The following DNAAF19 variants were observed in gnomAD, a reference collection of about 807,000 sequenced individuals.
The protein encoded by DNAAF19 is coiled-coil domain containing 103.
At chr17:44,901,984 G>T in the DNAAF19 span, among the ~76,000 whole-genome samples, 1 of 152,072 alleles carries the variant, frequency 6.6e-6, no homozygotes, top group Non-Finnish European at 1.5e-5. Flanking sequence ...TGATCCTGTG[G>T]CAGTGTTGAG....
At chr17:44,902,798 A>G in the DNAAF19 span, 27 of 1,562,554 alleles carry the variant, frequency 1.7e-5, no homozygotes, top group African/African-American at 2.7e-5. Context: ...GAGCTGCTGG[A>G]GCTGTACCAG....
the DNAAF19 span, chr17:44,902,549 A>G: frequency 3.7e-6 from 6 of 1,614,228 alleles, no homozygotes; most frequent in Non-Finnish European, 5.1e-6. Flanking sequence ...CTGGCTGATC[A>G]CGTGGGGCCG....
the DNAAF19 span, chr17:44,903,374 C>T: frequency 8.0e-7 from 1 of 1,248,722 alleles, no homozygotes; most frequent in Non-Finnish European, 1.0e-6. Context: ...TCCAGCCAGC[C>T]TCCCGGATGG....
the DNAAF19 span, chr17:44,902,873 T>C: frequency 6.8e-7 from 1 of 1,462,750 alleles, no homozygotes; most frequent in Non-Finnish European, 9.0e-7. Context: ...TTTTTGGTTG[T>C]TGTCTTGGGG....
chr17:44,900,238 A>G, the DNAAF19 span, among the ~76,000 whole-genome samples: 11 of 151,890 alleles, frequency 7.2e-5, no homozygotes, highest in Non-Finnish European at 1.2e-4. Context: ...AGAGGTTGCA[A>G]TGAGCCAAGA....
chr17:44,903,656 G>A, the DNAAF19 span: 16 of 1,433,552 alleles, frequency 1.1e-5, no homozygotes, highest in Non-Finnish European at 1.5e-5. Flanking sequence ...TACATCCACT[G>A]GGAATAAATT....
chr17:44,904,220 G>A, the DNAAF19 span: 5 of 1,550,468 alleles, frequency 3.2e-6, no homozygotes, highest in African/African-American at 6.8e-5. Flanking sequence ...CCGCAAGGGG[G>A]ACTACTTTTA....
At chr17:44,901,635 G>GCCTT in the DNAAF19 span, 1 of 1,614,154 alleles carries the variant, frequency 6.2e-7, no homozygotes, top group Non-Finnish European at 8.5e-7. Context: ...CCAGGATGTG[G>GCCTT]CCACTGAAAT....
chr17:44,904,623 G>T, the DNAAF19 span: 1 of 1,550,566 alleles, frequency 6.4e-7, no homozygotes, highest in East Asian at 2.4e-5. Context: ...AAAGTGGGCA[G>T]CCGGCCCTGG....
the DNAAF19 span, chr17:44,902,377 C>A: frequency 6.2e-7 from 1 of 1,614,228 alleles, no homozygotes. Context: ...GAAAGCCCCC[C>A]TCCAGCCCGA....
chr17:44,905,231 G>C, the DNAAF19 span: 4 of 635,546 alleles, frequency 6.3e-6, no homozygotes, highest in Non-Finnish European at 8.3e-6. Flanking sequence ...TCTGGGACCT[G>C]ATCTGAGAAG....
chr17:44,903,700 T>C, the DNAAF19 span: 2 of 1,439,492 alleles, frequency 1.4e-6, no homozygotes, highest in South Asian at 3.0e-5. Flanking sequence ...TGCAGATTGT[T>C]GCTGCTTTTC....
the DNAAF19 span, chr17:44,904,556 T>G: frequency 5.8e-6 from 9 of 1,550,586 alleles, no homozygotes; most frequent in Non-Finnish European, 7.0e-6. Flanking sequence ...CTTAGTACCC[T>G]GTGAGAAGAC....
At chr17:44,901,096 A>G in the DNAAF19 span, 3 of 1,605,282 alleles carry the variant, frequency 1.9e-6, no homozygotes, top group South Asian at 2.2e-5. Flanking sequence ...AATGCTGCCA[A>G]GTTACGGGCA....
the DNAAF19 span, chr17:44,901,641 G>A: frequency 6.2e-7 from 1 of 1,614,164 alleles, no homozygotes; most frequent in Non-Finnish European, 8.5e-7. Flanking sequence ...TGTGGCCACT[G>A]AAATCTCCCC....
chr17:44,902,607 T>G, the DNAAF19 span: 1 of 1,614,100 alleles, frequency 6.2e-7, no homozygotes, highest in South Asian at 1.1e-5. Flanking sequence ...TGGCGAGCAC[T>G]GGGCGCTTCA....
chr17:44,900,974 C>T, the DNAAF19 span: 1 of 1,588,278 alleles, frequency 6.3e-7, no homozygotes, highest in South Asian at 1.2e-5. Context: ...GACATGTATT[C>T]CCTTTGCCTT....
At chr17:44,900,769 T>C in the DNAAF19 span, among the ~76,000 whole-genome samples, 16 of 152,362 alleles carry the variant, frequency 1.1e-4, no homozygotes, top group African/African-American at 3.6e-4. Flanking sequence ...GTCAGGACTC[T>C]GTATTCTATT....
the DNAAF19 span, chr17:44,901,257 T>C: frequency 7.8e-7 from 1 of 1,279,418 alleles, no homozygotes; most frequent in African/African-American, 1.5e-5. Flanking sequence ...TGTTTGATCT[T>C]ATGCAATTTC....
Sources: gnomAD v4.1 joint callset for allele counts (sites outside exome capture counted in the v4.1 genomes callset) on GRCh38, gnomAD v4.1.1 for gene constraint, MANE v1.5 for transcripts, NCBI Gene and HGNC (gene_info 2026-07-23, HGNC 2026-07-21) for gene names.